Variants in SCN7A observed in about 807,000 individuals in gnomAD.
SCN7A encodes the protein sodium voltage-gated channel alpha subunit 7.
In SCN7A, 138 loss-of-function variants were observed where a neutral mutation model predicts 155.2. That is an observed-to-expected ratio of 0.89 (90% confidence interval 0.77 to 1.02). The LOEUF is 1.02. SCN7A is among the 50% of genes least tolerant of loss of function. The pLI, the probability that SCN7A is intolerant of heterozygous loss-of-function variation, is 0.00. For missense variants in SCN7A, 2,058 were observed against 1,986.6 expected, an observed-to-expected ratio of 1.04 and a Z score of -0.68; for synonymous variants, 693 against 649.0, an observed-to-expected ratio of 1.07 and a Z score of -1.03.
chr2:166,464,170 GTATATATATGTGTA>G (rs991217386), intron 9 of SCN7A, among the ~76,000 whole-genome samples: 9 of 150,168 alleles, frequency 6.0e-5, no homozygotes, highest in Non-Finnish European at 8.8e-5. Flanking sequence ...ACATATGTGT[GTATATATATGTGTA>G]TATATGTATG....
At chr2:166,480,754 G>C (rs1421124645) in intron 2 of SCN7A, among the ~76,000 whole-genome samples, 2 of 152,256 alleles carry the variant, frequency 1.3e-5, no homozygotes, top group African/African-American at 4.8e-5. Context: ...GAAATTTTCT[G>C]GGTGAAGGAC....
At chr2:166,435,729 G>C (rs1223074568) in intron 15 of SCN7A, among the ~76,000 whole-genome samples, 1 of 151,992 alleles carries the variant, frequency 6.6e-6, no homozygotes, top group East Asian at 1.9e-4. Context: ...AATAACATAT[G>C]TGTCTATGAT....
chr2:166,407,088 T>A (rs1247223955), intron 25 of SCN7A, among the ~76,000 whole-genome samples: 5 of 152,032 alleles, frequency 3.3e-5, no homozygotes, highest in Non-Finnish European at 4.4e-5. Context: ...AACCTTATAA[T>A]TTAGAAAATA....
At chr2:166,423,710 C>CA (rs1183851697) in intron 18 of SCN7A, among the ~76,000 whole-genome samples, 2 of 151,932 alleles carry the variant, frequency 1.3e-5, no homozygotes, top group East Asian at 3.9e-4. Context: ...AATAGCGATC[C>CA]AAAAATCCCC....
intron 14 of SCN7A, 99 bp from the exon 15 acceptor site, chr2:166,441,851 G>T (rs1575029777): frequency 1.3e-6 from 1 of 790,204 alleles, no homozygotes; most frequent in Non-Finnish European, 2.0e-6. Flanking sequence ...TACATATATA[G>T]CCTTTAGAGT....
At chr2:166,414,078 A>AATATATATAATATATT (rs1701272927) in intron 21 of SCN7A, among the ~76,000 whole-genome samples, 1 of 39,730 alleles carries the variant, frequency 2.5e-5, no homozygotes. Context: ...TATATATGTA[A>AATATATATAATATATT]ATATATGTAA....
chr2:166,454,161 T>TA (rs1239720364), intron 11 of SCN7A, among the ~76,000 whole-genome samples: 2 of 152,140 alleles, frequency 1.3e-5, no homozygotes, highest in African/African-American at 4.8e-5. Flanking sequence ...AGTGCAGCCA[T>TA]AAGCCCTTAA....
chr2:166,421,564 G>A (rs1701512312), intron 19 of SCN7A, among the ~76,000 whole-genome samples: 1 of 151,826 alleles, frequency 6.6e-6, no homozygotes, highest in African/African-American at 2.4e-5. Flanking sequence ...AATAAAAGTT[G>A]TATATTTTAT....
intron 2 of SCN7A, among the ~76,000 whole-genome samples, chr2:166,483,402 T>C (rs1379524923): frequency 6.6e-6 from 1 of 151,988 alleles, no homozygotes; most frequent in Non-Finnish European, 1.5e-5. Flanking sequence ...GGGGTTTGTG[T>C]ATGTTTGTTA....
intron 11 of SCN7A, among the ~76,000 whole-genome samples, chr2:166,452,330 A>T (rs1156510572): frequency 6.6e-6 from 1 of 151,868 alleles, no homozygotes; most frequent in Admixed American, 6.6e-5. Context: ...TGCTTATTAG[A>T]CTTAAATTTT....
intron 11 of SCN7A, among the ~76,000 whole-genome samples, chr2:166,449,723 A>T (rs72623158): frequency 0.15 from 23,495 of 152,042 alleles, 1,991 homozygotes; most frequent in East Asian, 0.33. Context: ...ATTAGAGAAA[A>T]GAAAGTCAAA....
At chr2:166,422,629 G>A (rs7584051) in intron 19 of SCN7A, among the ~76,000 whole-genome samples, 11,515 of 152,122 alleles carry the variant, frequency 0.076, 772 homozygotes, top group African/African-American at 0.17. Flanking sequence ...CCTGGACAGG[G>A]GGAAGGAAGC....
rs1701956789 is a variant in SCN7A, at chr2:166,441,427, T to C, written c.2126A>G (p.Tyr709Cys). 1.3e-6 allele frequency: 2 copies of C among 1,598,958 alleles called. No individual in the cohort carries two copies. The highest frequency in any genetic ancestry group is 2.7e-5 in the African/African-American group (2 of 74,222). The change falls in exon 15 of 26, where the codon TAC becomes TGC. Residue 709 changes from tyrosine to cysteine, a missense_variant. Tyr to Cys is a radical substitution (Grantham distance 194). Coordinates refer to ENST00000643258, the MANE Select transcript of SCN7A (RefSeq NM_002976.4). Reference sequence around the variant, plus strand: ...ATTTCCAATTAAAATGACCATCAGGTAAAAAGGAATACACCAGGATTGGCC... The same window carrying C: ...ATTTCCAATTAAAATGACCATCAGGCAAAAAGGAATACACCAGGATTGGCC... ...VAGQSWCIPF[Y>C]LMVILIGNLL...
chr2:166,467,929 C>T (rs1243245356), intron 7 of SCN7A, among the ~76,000 whole-genome samples: 1 of 151,702 alleles, frequency 6.6e-6, no homozygotes, highest in Non-Finnish European at 1.5e-5. Context: ...TTATTATTCA[C>T]TGTGTTTCTT....
At chr2:166,475,119 T>TATATATATATATATATATATATATAC (rs763878028) in intron 3 of SCN7A, among the ~76,000 whole-genome samples, 1 of 130,154 alleles carries the variant, frequency 7.7e-6, no homozygotes, top group Non-Finnish European at 1.6e-5. Context: ...TATATATATA[T>TATATATATATATATATATATATATAC]ACATATATAT....
chr2:166,476,533 C>T (rs949158101), intron 3 of SCN7A, among the ~76,000 whole-genome samples: 1 of 152,000 alleles, frequency 6.6e-6, no homozygotes, highest in East Asian at 1.9e-4. Flanking sequence ...TTCTCTCTGT[C>T]TCCTTGCGAC....
At position 166,409,648 on chromosome 2, in the gene SCN7A, A is replaced by G; in HGVS notation, c.3982+17T>C. ...TAATATTATTATCAGTAAAAATTTG[A>G]CTAAACAAAATCTTACCTGTGATGG... On this transcript the variant is annotated intron_variant, in intron 25 of 25. Transcript: ENST00000643258. 6.9e-7 allele frequency: 1 copy of G among 1,459,724 alleles called. No individual in the cohort carries two copies. Among genetic ancestry groups the G allele is most frequent in the South Asian group, 1.5e-5 (1 of 67,950 alleles). 90.4% of individuals were successfully genotyped at this position (1,459,724 alleles called of 1,614,324 possible). A position where few individuals can be genotyped will look rare whatever the true frequency, so the allele number is the denominator to read the frequency against.
At chr2:166,430,490 A>G (rs1701711469) in intron 16 of SCN7A, among the ~76,000 whole-genome samples, 1 of 151,926 alleles carries the variant, frequency 6.6e-6, no homozygotes. Flanking sequence ...AAAATTATAC[A>G]TCATAAATTT....
chr2:166,405,547 G>A lies in SCN7A; in HGVS notation c.*33C>T, dbSNP rs1701048955. 2 of 1,417,226 alleles carry A rather than the reference G, an allele frequency of 1.4e-6. No individual in the cohort carries two copies. Among genetic ancestry groups the A allele is most frequent in the Non-Finnish European group, 1.9e-6 (2 of 1,048,006 alleles). The allele number at this position is 1,417,226 out of a possible 1,614,324, so 87.8% of individuals were successfully genotyped here. ...TAGGCTTTCAACATTTTTCAGATAT[G>A]TGAAGAAATATGAAAAGAGGTGGTA... On this transcript the variant is annotated 3_prime_UTR_variant, in exon 26 of 26. Coordinates refer to ENST00000643258, the MANE Select transcript of SCN7A (RefSeq NM_002976.4).
Sources: gnomAD v4.1 joint callset for allele counts (sites outside exome capture counted in the v4.1 genomes callset) on GRCh38, gnomAD v4.1.1 for gene constraint, MANE v1.5 for transcripts, NCBI Gene and HGNC (gene_info 2026-07-23, HGNC 2026-07-21) for gene names.